DHRS3: variants seen among roughly 807,000 people sequenced by gnomAD.
The protein encoded by DHRS3 is dehydrogenase/reductase 3, also known as short-chain dehydrogenase/reductase 3.
In DHRS3, 14 loss-of-function variants were observed where a neutral mutation model predicts 27.2. That is an observed-to-expected ratio of 0.52 (90% CI 0.34 to 0.81). The LOEUF (loss-of-function observed/expected upper bound fraction) is 0.81. Ranked by LOEUF, DHRS3 falls within the 30% of genes least tolerant of loss-of-function variation. The probability of loss-of-function intolerance (pLI) is 0.01; values close to 1 mark genes in which losing one functional copy is unlikely to be tolerated. For synonymous variants in DHRS3, 165 were observed against 175.9 expected (o/e 0.94, Z 0.49); for missense variants, 322 against 406.2 (o/e 0.79, Z 1.78).
chr1:12,609,205 A>G (rs1646890556), intron 1 of DHRS3, among the ~76,000 whole-genome samples: 1 of 152,330 alleles, frequency 6.6e-6, no homozygotes, highest in South Asian at 2.1e-4. Context: ...ACTAAGTGTC[A>G]CAAGGAGAGA....
At chr1:12,596,790 G>T (rs899615506) in intron 1 of DHRS3, among the ~76,000 whole-genome samples, 4 of 152,096 alleles carry the variant, frequency 2.6e-5, no homozygotes, top group Non-Finnish European at 5.9e-5. Flanking sequence ...GGTCAAAAGT[G>T]CAAGAAAATG....
At chr1:12,587,269 A>C in intron 1 of DHRS3, among the ~76,000 whole-genome samples, 1 of 151,544 alleles carries the variant, frequency 6.6e-6, no homozygotes, top group Non-Finnish European at 1.5e-5. Flanking sequence ...CAGCCTCCCA[A>C]GTAGCTGGGA....
intron 1 of DHRS3, among the ~76,000 whole-genome samples, chr1:12,589,869 G>T (rs1488138299): frequency 7.3e-6 from 1 of 137,384 alleles, no homozygotes; most frequent in Admixed American, 7.1e-5. Context: ...ATTATTATTA[G>T]CACAGCAACA....
chr1:12,601,408 C>T (rs762990130), intron 1 of DHRS3, among the ~76,000 whole-genome samples: 4 of 152,066 alleles, frequency 2.6e-5, no homozygotes. Flanking sequence ...GGAAAGGTTA[C>T]GTTACGAGCA....
rs566417558 is a variant in DHRS3 at position 12,594,144 on chromosome 1, T to A, written c.196-13478A>T. On this transcript the variant is annotated intron_variant, in intron 1 of 5. Transcript: ENST00000616661. The surrounding 1 kb of genome is among the most constrained non-coding windows in gnomAD (Gnocchi z 4.1). Reference sequence around the variant, plus strand: ...GACCACCCTTCCCTCACAGCACACATCTCCAGATTACTGTCCACCGGGGTG... The same window carrying A: ...GACCACCCTTCCCTCACAGCACACAACTCCAGATTACTGTCCACCGGGGTG... Among the ~76,000 whole-genome samples the A allele has an allele frequency of 3.8e-4, 58 of 152,250 alleles. 1 individual carries two copies. The South Asian group carries it at 0.012, about 31-fold the overall frequency.
At chr1:12,580,914 C>A (rs1646638728) in intron 1 of DHRS3, among the ~76,000 whole-genome samples, 1 of 152,138 alleles carries the variant, frequency 6.6e-6, no homozygotes, top group Admixed American at 6.5e-5. Context: ...CCTCAAACTC[C>A]TGGGCTCAAG....
chr1:12,601,212 A>G (rs1194933569), intron 1 of DHRS3, among the ~76,000 whole-genome samples: 1 of 151,992 alleles, frequency 6.6e-6, no homozygotes, highest in African/African-American at 2.4e-5. Flanking sequence ...CCGACTCCCA[A>G]ACCCTATGGC....
At chr1:12,572,459 T>G (rs1054587186) in intron 5 of DHRS3, among the ~76,000 whole-genome samples, 1 of 152,216 alleles carries the variant, frequency 6.6e-6, no homozygotes, top group Non-Finnish European at 1.5e-5. Context: ...CGTGAGCCAC[T>G]GCGCCTGGCC....
rs748337665 is a variant in DHRS3, at chr1:12,593,489, G to A, written c.196-12823C>T. ...AAAGTGCTGGGATTACAGGAGTGAGGTACCACACCTGGCCACCTTCTCACA... is the reference window on the plus strand; with the variant it reads ...AAAGTGCTGGGATTACAGGAGTGAGATACCACACCTGGCCACCTTCTCACA... On this transcript the variant is annotated intron_variant, in intron 1 of 5. Transcript: ENST00000616661. This position sits in a 1 kb window ranked among gnomAD's most constrained non-coding sequence, Gnocchi z 4.6. 6.6e-6 allele frequency among the ~76,000 whole-genome samples: 1 copy of A among 152,004 alleles called. No individual in the cohort carries two copies. The highest frequency in any genetic ancestry group is 2.4e-5 in the African/African-American group (1 of 41,374).
intron 1 of DHRS3, chr1:12,616,625 G>A: frequency 5.1e-6 from 5 of 989,454 alleles, no homozygotes; most frequent in Non-Finnish European, 6.0e-6. Context: ...CCAGACTACT[G>A]CATACAAGAC....
intron 1 of DHRS3, chr1:12,596,428 CT>C (rs1209850341): frequency 6.6e-6 from 1 of 152,236 alleles, no homozygotes; most frequent in Non-Finnish European, 1.5e-5. Flanking sequence ...TTACTTCTCC[CT>C]TGCAAAGCCT....
Position 12,568,173 on chromosome 1 carries a change from G to A in DHRS3, c.*167C>T. Reference sequence around the variant, plus strand: ...GGGGTCAGTTATACCCATCAGTCCTGTGCAAAGGTCCTGGGACTGGCCCAG... The same window carrying A: ...GGGGTCAGTTATACCCATCAGTCCTATGCAAAGGTCCTGGGACTGGCCCAG... On this transcript the variant is annotated 3_prime_UTR_variant, in exon 6 of 6. Transcript: ENST00000616661. The A allele has an allele frequency of 3.1e-6, 2 of 644,772 alleles. No individual in the cohort carries two copies. Among genetic ancestry groups the A allele is most frequent in the East Asian group, 2.8e-5 (1 of 36,114 alleles). 39.9% of individuals were successfully genotyped at this position (644,772 alleles called of 1,614,324 possible). A position where few individuals can be genotyped will look rare whatever the true frequency, so the allele number is the denominator to read the frequency against.
At position 12,576,315 on chromosome 1, in the gene DHRS3, C is replaced by G. The variant is rs911987641; in HGVS notation, c.698+2403G>C. On this transcript the variant is annotated intron_variant, in intron 4 of 5. Coordinates refer to ENST00000616661, the MANE Select transcript of DHRS3 (RefSeq NM_004753.7). ...TGGTGGCTCACGCCTGTAATCCCAG[C>G]ACTTTGGGAGGCCGAGGTGGACGGA... Among the ~76,000 whole-genome samples the G allele has an allele frequency of 3.9e-5, 6 of 151,952 alleles. 1 individual carries two copies. Among genetic ancestry groups the G allele is most frequent in the African/African-American group, 1.4e-4 (6 of 41,390 alleles).
At chr1:12,598,847 C>A (rs1646817266) in intron 1 of DHRS3, among the ~76,000 whole-genome samples, 1 of 152,150 alleles carries the variant, frequency 6.6e-6, no homozygotes, top group East Asian at 1.9e-4. Context: ...AGCAGAGACC[C>A]CCAAACCGGT....
chr1:12,611,890 G>A (rs532118629), intron 1 of DHRS3, among the ~76,000 whole-genome samples: 3 of 150,106 alleles, frequency 2.0e-5, no homozygotes, highest in Admixed American at 6.6e-5. Context: ...CCAAGAGTTC[G>A]AGACTAACCT....
At chr1:12,569,266 T>C (rs1234273813) in intron 5 of DHRS3, among the ~76,000 whole-genome samples, 1 of 131,636 alleles carries the variant, frequency 7.6e-6, no homozygotes, top group Admixed American at 7.3e-5. Flanking sequence ...CACACACTCT[T>C]TTTAAAATAT....
intron 1 of DHRS3, among the ~76,000 whole-genome samples, chr1:12,616,157 T>C (rs913502503): frequency 1.3e-5 from 2 of 152,248 alleles, no homozygotes; most frequent in Non-Finnish European, 2.9e-5. Flanking sequence ...TGCGGCTCCA[T>C]GTCAGATCAG....
chr1:12,586,301 C>G lies in DHRS3; in HGVS notation c.196-5635G>C, dbSNP rs1405346440. On this transcript the variant is annotated intron_variant, in intron 1 of 5. Coordinates refer to ENST00000616661, the MANE Select transcript of DHRS3 (RefSeq NM_004753.7). The surrounding 1 kb of genome is among the most constrained non-coding windows in gnomAD (Gnocchi z 5.0). ...TGTGAAACAGGATTTGAACCCAGAGCCTTGGCCCTTTGCAGAGGCACCCCT... is the reference window on the plus strand; with the variant it reads ...TGTGAAACAGGATTTGAACCCAGAGGCTTGGCCCTTTGCAGAGGCACCCCT... Among the ~76,000 whole-genome samples, 1 of 152,252 alleles carries G rather than the reference C, an allele frequency of 6.6e-6. No homozygotes were observed. The highest frequency in any genetic ancestry group is 1.5e-5 in the Non-Finnish European group (1 of 68,046).
In DHRS3 at chr1:12,617,519, A is replaced by C; in HGVS notation, c.-171T>G. The C allele has an allele frequency of 3.4e-6, 1 of 298,476 alleles. No individual in the cohort carries two copies. The highest frequency in any genetic ancestry group is 5.6e-5 in the Admixed American group (1 of 17,946). The allele number at this position is 298,476 out of a possible 1,614,324, so 18.5% of individuals were successfully genotyped here. On this transcript the variant is annotated 5_prime_UTR_variant, in exon 1 of 6. Coordinates refer to ENST00000616661, the MANE Select transcript of DHRS3 (RefSeq NM_004753.7). ...AAATGCAAAGCACCGGGTGAGAAAA[A>C]GAAAAAAAAAAAAAAAAAAAAGATA...
Sources: gnomAD v4.1 joint callset for allele counts (sites outside exome capture counted in the v4.1 genomes callset) on GRCh38, gnomAD v4.1.1 for gene constraint, Gnocchi (gnomAD v3.1) non-coding constraint, MANE v1.5 for transcripts, NCBI Gene and HGNC (gene_info 2026-07-23, HGNC 2026-07-21) for gene names.